The following SLC26A3 variants were observed in gnomAD, a reference collection of about 807,000 sequenced individuals.
The protein encoded by SLC26A3 is solute carrier family 26 member 3.
Under a neutral mutation model 85.6 loss-of-function variants are expected in SLC26A3, and 64 were observed. The ratio of observed to expected loss-of-function variants is 0.75; its 90% CI spans 0.61 to 0.92. The LOEUF (loss-of-function observed/expected upper bound fraction) is 0.92, where lower values mean the gene tolerates loss of function less well. SLC26A3 is among the 40% of genes least tolerant of loss of function. The pLI, the probability that SLC26A3 is intolerant of heterozygous loss-of-function variation, is 0.00. For missense variants in SLC26A3, 922 were observed against 927.3 expected, an observed-to-expected ratio of 0.99 and a Z score of 0.07; for synonymous variants, 349 against 336.0, an observed-to-expected ratio of 1.04 and a Z score of -0.42.
intron 18 of SLC26A3, among the ~76,000 whole-genome samples, chr7:107,769,551 G>A (rs1021382596): frequency 4.6e-5 from 7 of 152,080 alleles, no homozygotes; most frequent in Non-Finnish European, 1.0e-4. Context: ...ACATGGAGGG[G>A]AACAACCCAC....
intron 1 of SLC26A3, among the ~76,000 whole-genome samples, chr7:107,800,303 T>G (rs1794578557): frequency 6.6e-6 from 1 of 152,228 alleles, no homozygotes; most frequent in Non-Finnish European, 1.5e-5. Flanking sequence ...AAGACCAGCC[T>G]GGCCAATATA....
chr7:107,776,783 G>GTTTGGT (rs199778165), intron 13 of SLC26A3, 77 bp from the exon 14 acceptor site: 64,464 of 1,300,978 alleles, frequency 0.05, 1,906 homozygotes, highest in South Asian at 0.091. Context: ...ACTTTTTCCA[G>GTTTGGT]CATACCAAAG....
chr7:107,801,882 C>G (rs1794603353), intron 1 of SLC26A3, among the ~76,000 whole-genome samples: 1 of 149,184 alleles, frequency 6.7e-6, no homozygotes, highest in African/African-American at 2.5e-5. Context: ...GAGTTCGAGA[C>G]CAGCCTGGCC....
At chr7:107,782,083 A>G (rs1315877807) in intron 11 of SLC26A3, among the ~76,000 whole-genome samples, 2 of 152,160 alleles carry the variant, frequency 1.3e-5, no homozygotes, top group African/African-American at 2.4e-5. Flanking sequence ...CACACAGATA[A>G]TAAGTAGCAG....
At chr7:107,766,879 CTTT>C (rs530938974) in intron 20 of SLC26A3, among the ~76,000 whole-genome samples, 1 of 140,300 alleles carries the variant, frequency 7.1e-6, no homozygotes. Context: ...AGCCTGTTTC[CTTT>C]TTTTTTTTTC....
At chr7:107,780,315 TAGTC>T (rs1794196792) in intron 11 of SLC26A3, among the ~76,000 whole-genome samples, 1 of 152,118 alleles carries the variant, frequency 6.6e-6, no homozygotes, top group Non-Finnish European at 1.5e-5. Context: ...GCTTTAAAAT[TAGTC>T]AGTGAATGAG....
chr7:107,772,689 C>T (rs1353357355), intron 17 of SLC26A3, among the ~76,000 whole-genome samples: 2 of 152,116 alleles, frequency 1.3e-5, no homozygotes, highest in African/African-American at 4.8e-5. Flanking sequence ...ACTTTCAGAA[C>T]CTCTTCTAGG....
chr7:107,794,455 T>A lies in SLC26A3; in HGVS notation c.55A>T (p.Asn19Tyr). Residue 19 changes from asparagine (N) to tyrosine (Y), a missense_variant, in exon 2 of 21, where the codon AAT becomes TAT. Asn to Tyr is a moderately radical substitution (Grantham distance 143, BLOSUM62 -2). Coordinates refer to ENST00000340010, the MANE Select transcript of SLC26A3 (RefSeq NM_000111.3). Reference sequence around the variant, plus strand: ...TTTTTATGATTTTCCTCAAAAGCATTTGTAGAATACACTGGCCTGGCCACA... The same window carrying A: ...TTTTTATGATTTTCCTCAAAAGCATATGTAGAATACACTGGCCTGGCCACA... ...YIVARPVYSTNAFEENHKKTG... is the reference protein window; with the variant it reads ...YIVARPVYSTYAFEENHKKTG... The A allele has an allele frequency of 6.2e-7, 1 of 1,613,950 alleles. No homozygotes were observed. Among genetic ancestry groups the A allele is most frequent in the Non-Finnish European group, 8.5e-7 (1 of 1,179,848 alleles).
At chr7:107,789,101 T>C (rs1005469701) in intron 6 of SLC26A3, among the ~76,000 whole-genome samples, 1 of 143,728 alleles carries the variant, frequency 7.0e-6, no homozygotes, top group Non-Finnish European at 1.5e-5. Flanking sequence ...TACTTTCTTT[T>C]TCTTTTCTTT....
rs970524752 is a variant in SLC26A3, at chr7:107,787,517, T to C, written c.736-8A>G. On this transcript the variant is annotated splice_region_variant and splice_polypyrimidine_tract_variant and intron_variant, in intron 6 of 20. Coordinates refer to ENST00000340010, the MANE Select transcript of SLC26A3 (RefSeq NM_000111.3). ...GAATACAGAGTATAGTACCTACAAT[T>C]ATAAAAACAAAAACCACCAAAGCCC... 2 of 1,611,304 alleles carry C rather than the reference T, an allele frequency of 1.2e-6. No homozygotes were observed. Among genetic ancestry groups the C allele is most frequent in the African/African-American group, 2.7e-5 (2 of 74,816 alleles).
At position 107,796,094 on chromosome 7, in the gene SLC26A3, C is replaced by CTTATTA. The variant is rs58164632; in HGVS notation, c.-88-1503_-88-1498dup. On this transcript the variant is annotated intron_variant, in intron 1 of 20. Coordinates refer to ENST00000340010, the MANE Select transcript of SLC26A3 (RefSeq NM_000111.3). ...TTCCTTTGAGCTCAGTTATGACTCCCTTATTATTATTATTATTATTATTAT... is the reference window on the plus strand; with the variant it reads ...TTCCTTTGAGCTCAGTTATGACTCCCTTATTATTATTATTATTATTATTATTATTAT... Among the ~76,000 whole-genome samples, 629 of 148,870 alleles carry CTTATTA rather than the reference C, an allele frequency of 4.2e-3. 2 individuals are homozygous for CTTATTA. The highest frequency in any genetic ancestry group is 5.8e-3 in the South Asian group (27 of 4,628).
At chr7:107,780,958 T>C (rs1794206830) in intron 11 of SLC26A3, among the ~76,000 whole-genome samples, 1 of 152,212 alleles carries the variant, frequency 6.6e-6, no homozygotes, top group African/African-American at 2.4e-5. Flanking sequence ...ACAACGGGCC[T>C]CTCCATTTTG....
At chr7:107,790,919 T>C in intron 5 of SLC26A3, 129 bp downstream of exon 5, 4 of 960,308 alleles carry the variant, frequency 4.2e-6, no homozygotes, top group South Asian at 2.8e-5. Flanking sequence ...GTATTTCCTA[T>C]GGGCCATGAG....
rs1246284922 is a variant in SLC26A3 at position 107,767,893 on chromosome 7, T to A, written c.2078A>T (p.Lys693Met). The change falls in exon 19 of 21, where the codon AAG (lysine) becomes ATG (methionine). Residue 693 changes from lysine to methionine, a missense_variant. Transcript: ENST00000340010. ...IVGTDDDFIE[K>M]LNRYEFFDGE... The stretch of plus-strand genomic sequence containing the variant: ...ATCAAAAAATTCATACCGGTTAAGC[T>A]TCTCAATGAAGTCATCTGAAGAGAA... 1 of 1,613,518 alleles carries A rather than the reference T, an allele frequency of 6.2e-7. No individual in the cohort carries two copies. The highest frequency in any genetic ancestry group is 1.3e-5 in the African/African-American group (1 of 74,910).
intron 15 of SLC26A3, 88 bp from the exon 16 acceptor site, chr7:107,774,960 G>T: frequency 3.1e-6 from 3 of 976,258 alleles, no homozygotes; most frequent in Non-Finnish European, 3.3e-6. Flanking sequence ...GGAGTGATTT[G>T]AGGGATTGGG....
chr7:107,773,765 G>T (rs1794063203), intron 17 of SLC26A3, among the ~76,000 whole-genome samples, 155 bp downstream of exon 17: 1 of 152,174 alleles, frequency 6.6e-6, no homozygotes. Flanking sequence ...TGGCCAGGCT[G>T]GTCTCGAAGT....
chr7:107,778,306 A>G (rs1485983397), intron 12 of SLC26A3, 25 bp from the exon 13 acceptor site: 12 of 1,353,906 alleles, frequency 8.9e-6, no homozygotes, highest in Middle Eastern at 1.8e-4. Flanking sequence ...CAACACATAC[A>G]CTACAATTTA....
chr7:107,779,769 A>T lies in SLC26A3; in HGVS notation c.1312-6T>A. 1 of 1,609,724 alleles carries T rather than the reference A, an allele frequency of 6.2e-7. No individual in the cohort carries two copies. Among genetic ancestry groups the T allele is most frequent in the Non-Finnish European group, 8.5e-7 (1 of 1,176,074 alleles). On this transcript the variant is annotated splice_polypyrimidine_tract_variant and splice_region_variant and intron_variant, in intron 11 of 20. Transcript: ENST00000340010. ...GCTAAAGCTGCCAGGACGGACTGTG[A>T]AAAACACAAACATCAGATGTACTTT...
At position 107,790,959 on chromosome 7, in the gene SLC26A3, G is replaced by A. The variant is rs1341500840; in HGVS notation, c.570+89C>T. ...AGACAAACCAAAGGGAAGATGGGGA[G>A]GAGTGGCAGGGGGGAGGAAAAATAG... On this transcript the variant is annotated intron_variant, in intron 5 of 20. Transcript: ENST00000340010. 2.2e-6 allele frequency: 3 copies of A among 1,341,562 alleles called. No homozygotes were observed. In the Admixed American group the frequency reaches 5.8e-5, roughly 26 times the overall value. 83.1% of individuals were successfully genotyped at this position (1,341,562 alleles called of 1,614,324 possible). A position where few individuals can be genotyped will look rare whatever the true frequency, so the allele number is the denominator to read the frequency against.
Sources: gnomAD v4.1 joint callset for allele counts (sites outside exome capture counted in the v4.1 genomes callset) on GRCh38, gnomAD v4.1.1 for gene constraint, MANE v1.5 for transcripts, NCBI Gene and HGNC (gene_info 2026-07-23, HGNC 2026-07-21) for gene names.